ASAP1: variants seen among roughly 807,000 people sequenced by gnomAD.
ASAP1 encodes the protein ArfGAP with SH3 domain, ankyrin repeat and PH domain 1, also known as arf-GAP with SH3 domain, ANK repeat and PH domain-containing protein 1.
A neutral mutation model predicts 145.2 loss-of-function variants in ASAP1; 43 were observed. The observed-to-expected ratio is 0.30, with a 90% CI of 0.23 to 0.38. ASAP1 has a LOEUF of 0.38. ASAP1 is among the 10% of genes least tolerant of loss of function. ASAP1 has a pLI of 1.00. For missense variants in ASAP1, 1,018 were observed against 1,355.3 expected (o/e 0.75, Z 3.91); for synonymous variants, 546 against 515.5 (o/e 1.06, Z -0.80).
At position 130,157,161 on chromosome 8, in the gene ASAP1, GAATTTAC is replaced by G. The variant is rs562106538; in HGVS notation, c.1010+2696_1010+2702del. ...AGGCTTTTCAGCAAGATAAGCTATG[GAATTTAC>G]AATTTATGTACACTTTATCTCATGC... On this transcript the variant is annotated intron_variant, in intron 12 of 29. Coordinates refer to ENST00000518721, the MANE Select transcript of ASAP1 (RefSeq NM_018482.4). Among the ~76,000 whole-genome samples, 17 of 152,310 alleles carry G rather than the reference GAATTTAC, an allele frequency of 1.1e-4. No individual in the cohort carries two copies. The East Asian group carries it at 3.3e-3, about 29-fold the overall frequency.
At chr8:130,277,172 G>C (rs1820963849) in intron 3 of ASAP1, among the ~76,000 whole-genome samples, 2 of 152,092 alleles carry the variant, frequency 1.3e-5, no homozygotes, top group South Asian at 4.2e-4. Flanking sequence ...AGGACCACAG[G>C]CCACGGTAAC....
At chr8:130,326,225 G>A (rs1824319648) in intron 3 of ASAP1, among the ~76,000 whole-genome samples, 1 of 152,186 alleles carries the variant, frequency 6.6e-6, no homozygotes, top group South Asian at 2.1e-4. Flanking sequence ...GCTGGAGACC[G>A]ACAAATGAGA....
chr8:130,414,436 C>T (rs1329344812), intron 1 of ASAP1, among the ~76,000 whole-genome samples: 1 of 152,166 alleles, frequency 6.6e-6, no homozygotes, highest in Non-Finnish European at 1.5e-5. Context: ...AATTAAGGGG[C>T]AAGAGTTTGA....
At chr8:130,417,028 C>A (rs1389680591) in intron 1 of ASAP1, among the ~76,000 whole-genome samples, 6 of 152,258 alleles carry the variant, frequency 3.9e-5, no homozygotes, top group Admixed American at 1.3e-4. Context: ...TATGGACACA[C>A]AGAAGTGCAA....
chr8:130,059,892 A>C (rs763857740), intron 28 of ASAP1, among the ~76,000 whole-genome samples: 4 of 151,894 alleles, frequency 2.6e-5, no homozygotes, highest in Non-Finnish European at 5.9e-5. Context: ...AGCCTGGGCA[A>C]CATGGCAAAA....
intron 3 of ASAP1, among the ~76,000 whole-genome samples, chr8:130,281,849 G>A (rs986149931): frequency 3.9e-5 from 6 of 152,118 alleles, no homozygotes; most frequent in African/African-American, 1.2e-4. Context: ...GGCAGATCAC[G>A]AGGTCAGGAG....
At chr8:130,311,872 T>C (rs1313102166) in intron 3 of ASAP1, among the ~76,000 whole-genome samples, 1 of 152,094 alleles carries the variant, frequency 6.6e-6, no homozygotes, top group East Asian at 1.9e-4. Context: ...AAAAATCTAC[T>C]TTTAAGTAAA....
At chr8:130,346,173 G>C (rs191789298) in intron 3 of ASAP1, among the ~76,000 whole-genome samples, 1 of 152,296 alleles carries the variant, frequency 6.6e-6, no homozygotes, top group East Asian at 1.9e-4. Context: ...TAAAAACCTA[G>C]GGTTAAAAAG....
intron 4 of ASAP1, among the ~76,000 whole-genome samples, chr8:130,225,553 A>T (rs1341819900): frequency 1.3e-5 from 2 of 152,232 alleles, no homozygotes; most frequent in Non-Finnish European, 1.5e-5. Context: ...GTATGAAAAC[A>T]TACTGCTATT....
chr8:130,246,034 C>A lies in ASAP1; in HGVS notation c.187-9040G>T, dbSNP rs184444991. ...ATCAATAATGAAATCATTTTATAATCATTTATGAGGGCTTACGACCTGGAT... is the reference window on the plus strand; with the variant it reads ...ATCAATAATGAAATCATTTTATAATAATTTATGAGGGCTTACGACCTGGAT... On this transcript the variant is annotated intron_variant, in intron 3 of 29. Coordinates refer to ENST00000518721, the MANE Select transcript of ASAP1 (RefSeq NM_018482.4). Among the ~76,000 whole-genome samples, 16 of 152,182 alleles carry A rather than the reference C, an allele frequency of 1.1e-4. No homozygotes were observed. The East Asian group carries it at 2.7e-3, about 26-fold the overall frequency.
chr8:130,272,087 C>T (rs1473885732), intron 3 of ASAP1, among the ~76,000 whole-genome samples: 2 of 152,068 alleles, frequency 1.3e-5, no homozygotes, highest in African/African-American at 4.8e-5. Context: ...ATTGCTTGAG[C>T]TTGGGAGATC....
chr8:130,133,357 G>A (rs1014220192), intron 15 of ASAP1, among the ~76,000 whole-genome samples: 65 of 152,278 alleles, frequency 4.3e-4, no homozygotes, highest in African/African-American at 1.4e-3. Context: ...TCAGGTGAGT[G>A]CAAAACTCCA....
chr8:130,101,348 T>A (rs1402755070), intron 24 of ASAP1, among the ~76,000 whole-genome samples: 2 of 152,212 alleles, frequency 1.3e-5, no homozygotes, highest in Non-Finnish European at 2.9e-5. Context: ...AGAGATTGCA[T>A]CGAATCTGTA....
rs150313587 is a variant in ASAP1 at position 130,412,010 on chromosome 8, G to C, written c.-27-10040C>G. 5.8e-4 allele frequency among the ~76,000 whole-genome samples: 89 copies of C among 152,276 alleles called. 3 individuals are homozygous for C. In the East Asian group the frequency reaches 0.015, roughly 25 times the overall value. On this transcript the variant is annotated intron_variant, in intron 1 of 29. Coordinates refer to ENST00000518721, the MANE Select transcript of ASAP1 (RefSeq NM_018482.4). Reference sequence around the variant, plus strand: ...TCGCAGGAAGCCCCCATTACCCAGTGCTCACCAGGTACCACGCAGGCCCTG... The same window carrying C: ...TCGCAGGAAGCCCCCATTACCCAGTCCTCACCAGGTACCACGCAGGCCCTG...
chr8:130,146,300 A>G (rs115645642), intron 13 of ASAP1, among the ~76,000 whole-genome samples: 1,668 of 152,212 alleles, frequency 0.011, 27 homozygotes, highest in African/African-American at 0.039. Flanking sequence ...AAAGTAAAAA[A>G]AACCTTTTTA....
intron 13 of ASAP1, among the ~76,000 whole-genome samples, chr8:130,149,903 A>G (rs1043904042): frequency 6.6e-6 from 1 of 152,196 alleles, no homozygotes; most frequent in African/African-American, 2.4e-5. Context: ...GAATAGCACA[A>G]ATTAGCAGGA....
intron 1 of ASAP1, among the ~76,000 whole-genome samples, chr8:130,426,228 T>C (rs979724555): frequency 6.6e-6 from 1 of 152,110 alleles, no homozygotes; most frequent in African/African-American, 2.4e-5. Flanking sequence ...TGCTCCGCCA[T>C]GTAAGATGTA....
chr8:130,330,699 C>A (rs1324153344), intron 3 of ASAP1, among the ~76,000 whole-genome samples: 1 of 152,192 alleles, frequency 6.6e-6, no homozygotes, highest in East Asian at 1.9e-4. Flanking sequence ...TTTCCTTTCC[C>A]AGTTTAAATG....
intron 2 of ASAP1, among the ~76,000 whole-genome samples, chr8:130,369,860 C>G (rs982128116): frequency 6.6e-6 from 1 of 152,192 alleles, no homozygotes; most frequent in Non-Finnish European, 1.5e-5. Context: ...CCAGCAACTG[C>G]TTACTATTGT....
Sources: allele counts gnomAD v4.1 joint callset (sites outside exome capture counted in the v4.1 genomes callset), GRCh38; gene constraint gnomAD v4.1.1; transcripts MANE v1.5; gene names NCBI Gene and HGNC (gene_info 2026-07-23, HGNC 2026-07-21).